Variants in HDAC4 observed in about 807,000 individuals in gnomAD.
The protein encoded by HDAC4 is histone deacetylase 4.
Under a neutral mutation model 135.1 loss-of-function variants are expected in HDAC4, and 16 were observed. That is an observed-to-expected ratio of 0.12 (90% CI 0.08 to 0.18). The LOEUF is 0.18. HDAC4 is among the 10% of genes least tolerant of loss of function. HDAC4 has a pLI of 1.00. For missense variants in HDAC4, 1,143 were observed against 1,511.8 expected, an observed-to-expected ratio of 0.76 and a Z score of 4.05; for synonymous variants, 685 against 653.4, an observed-to-expected ratio of 1.05 and a Z score of -0.74.
intron 7 of HDAC4, among the ~76,000 whole-genome samples, chr2:239,154,217 C>T (rs2042283148): frequency 6.6e-6 from 1 of 151,984 alleles, no homozygotes; most frequent in African/African-American, 2.4e-5. Flanking sequence ...AAGGCACGTC[C>T]CCACATGAGG....
At chr2:239,209,846 G>A (rs763217543) in intron 3 of HDAC4, among the ~76,000 whole-genome samples, 1 of 152,184 alleles carries the variant, frequency 6.6e-6, no homozygotes. Context: ...GAATGGGTTG[G>A]TCACAGAAGA....
intron 15 of HDAC4, among the ~76,000 whole-genome samples, chr2:239,103,737 T>C (rs1159965393): frequency 6.6e-6 from 1 of 152,220 alleles, no homozygotes; most frequent in African/African-American, 2.4e-5. Flanking sequence ...GTCCACCCTG[T>C]ATGTGAGACC....
chr2:239,079,532 C>T (rs879636428), intron 22 of HDAC4, among the ~76,000 whole-genome samples: 11 of 152,210 alleles, frequency 7.2e-5, no homozygotes, highest in African/African-American at 1.9e-4. Flanking sequence ...AGGAGGGCAA[C>T]GGACCCCAGT....
intron 6 of HDAC4, among the ~76,000 whole-genome samples, chr2:239,161,464 G>A (rs767466733): frequency 3.3e-5 from 5 of 152,128 alleles, no homozygotes; most frequent in East Asian, 1.9e-4. Flanking sequence ...CTAATCATGC[G>A]TGGTGTGAAG....
chr2:239,221,256 G>A (rs2046936585), intron 3 of HDAC4, among the ~76,000 whole-genome samples: 1 of 152,140 alleles, frequency 6.6e-6, no homozygotes, highest in Non-Finnish European at 1.5e-5. Flanking sequence ...ATAAACCGCT[G>A]AGGAAAGCCA....
At chr2:239,394,114 A>T (rs1696408821) in intron 1 of HDAC4, among the ~76,000 whole-genome samples, 1 of 152,162 alleles carries the variant, frequency 6.6e-6, no homozygotes, top group South Asian at 2.1e-4. Flanking sequence ...ATGCAATTCC[A>T]TCACCGCTTG....
chr2:239,055,931 C>G (rs56370384), intron 24 of HDAC4, among the ~76,000 whole-genome samples: 1 of 152,086 alleles, frequency 6.6e-6, no homozygotes, highest in Non-Finnish European at 1.5e-5. Context: ...CAGGACAGGA[C>G]GGGTGAGCGA....
At chr2:239,362,154 G>T (rs998684484) in intron 1 of HDAC4, among the ~76,000 whole-genome samples, 5 of 152,320 alleles carry the variant, frequency 3.3e-5, no homozygotes, top group Admixed American at 3.3e-4. Context: ...TAATTTACAA[G>T]CACCTTTAGC....
chr2:239,160,633 C>T (rs1013797222), intron 6 of HDAC4, among the ~76,000 whole-genome samples: 4 of 152,246 alleles, frequency 2.6e-5, no homozygotes, highest in South Asian at 2.1e-4. Flanking sequence ...CTGCTGCAGG[C>T]GCCAGCGGTC....
At chr2:239,159,844 C>G (rs3791512) in intron 6 of HDAC4, among the ~76,000 whole-genome samples, 28,346 of 152,310 alleles carry the variant, frequency 0.19, 3,083 homozygotes, top group East Asian at 0.37. Context: ...GGATGGGACA[C>G]AGACGCTGGG....
In HDAC4 at chr2:239,299,905, G is replaced by A. The variant is rs1374028102; in HGVS notation, c.22+52773C>T. Among the ~76,000 whole-genome samples, 2 of 152,206 alleles carry A rather than the reference G, an allele frequency of 1.3e-5. No individual in the cohort carries two copies. The highest frequency in any genetic ancestry group is 1.9e-4 in the East Asian group (1 of 5,192). On this transcript the variant is annotated intron_variant, in intron 2 of 26. Transcript: ENST00000543185. The surrounding 1 kb of genome is among the most constrained non-coding windows in gnomAD (Gnocchi z 4.0). ...AAGCAGATGGGAGACCGGCAGTCCT[G>A]GGGCTCGGGAGACAGGGGAGACAGA...
At chr2:239,191,160 G>T (rs961456989) in intron 3 of HDAC4, 16 of 367,736 alleles carry the variant, frequency 4.4e-5, no homozygotes, top group African/African-American at 3.4e-4. Context: ...TGGGCCAAGT[G>T]GGGAGGTGGG....
chr2:239,180,528 A>G (rs2044079664), intron 4 of HDAC4, among the ~76,000 whole-genome samples: 1 of 152,162 alleles, frequency 6.6e-6, no homozygotes, highest in Non-Finnish European at 1.5e-5. Flanking sequence ...TTTGAATCAC[A>G]TTGTGTCCAC....
chr2:239,192,414 T>G (rs2045048855), intron 3 of HDAC4, among the ~76,000 whole-genome samples: 1 of 152,212 alleles, frequency 6.6e-6, no homozygotes, highest in African/African-American at 2.4e-5. Flanking sequence ...GCAATGCTGG[T>G]TTTATGAAAC....
upstream of HDAC4, chr2:239,401,477 C>A (rs777989513): frequency 5.9e-6 from 1 of 170,920 alleles, no homozygotes; most frequent in Non-Finnish European, 1.2e-5. Context: ...CAGTAGTGGC[C>A]GTAAACACGG....
intron 2 of HDAC4, among the ~76,000 whole-genome samples, chr2:239,267,206 A>AG (rs1056111908): frequency 6.6e-6 from 1 of 152,190 alleles, no homozygotes; most frequent in African/African-American, 2.4e-5. Context: ...TCCAGGATCT[A>AG]GGGCAGTGCC....
chr2:239,137,594 G>A (rs2041061183), intron 9 of HDAC4, among the ~76,000 whole-genome samples: 1 of 152,166 alleles, frequency 6.6e-6, no homozygotes, highest in Non-Finnish European at 1.5e-5. Context: ...AACAGAAAAG[G>A]CAGTGCTGAG....
chr2:239,234,781 G>C (rs188364546), intron 3 of HDAC4, among the ~76,000 whole-genome samples: 1 of 152,300 alleles, frequency 6.6e-6, no homozygotes, highest in African/African-American at 2.4e-5. Flanking sequence ...GGCAGGTCTC[G>C]ACAGGCAGGG....
intron 19 of HDAC4, among the ~76,000 whole-genome samples, chr2:239,087,277 A>G (rs2036066273): frequency 6.6e-6 from 1 of 152,190 alleles, no homozygotes; most frequent in Non-Finnish European, 1.5e-5. Flanking sequence ...CCAAGTGTTG[A>G]CAACTACTCA....
Sources: allele counts gnomAD v4.1 joint callset (sites outside exome capture counted in the v4.1 genomes callset), GRCh38; gene constraint gnomAD v4.1.1; non-coding constraint Gnocchi (gnomAD v3.1); transcripts MANE v1.5; gene names NCBI Gene and HGNC (gene_info 2026-07-23, HGNC 2026-07-21).